CREBL2: variants seen among roughly 807,000 people sequenced by gnomAD.
The protein encoded by CREBL2 is cAMP responsive element binding protein like 2.
In CREBL2, 4 loss-of-function variants were observed where a neutral mutation model predicts 19.5. That is an observed-to-expected ratio of 0.20 (90% CI 0.10 to 0.47). The LOEUF (loss-of-function observed/expected upper bound fraction) is 0.47, where lower values mean the gene tolerates loss of function less well. Among genes scored for constraint, CREBL2 ranks in the 20% least tolerant of loss-of-function variants. The probability of loss-of-function intolerance (pLI) is 0.98; values close to 1 mark genes in which losing one functional copy is unlikely to be tolerated. For missense variants in CREBL2, 85 were observed against 145.1 expected, an observed-to-expected ratio of 0.59 and a Z score of 2.13; for synonymous variants, 42 against 46.6, an observed-to-expected ratio of 0.90 and a Z score of 0.40.
chr12:12,640,290 C>G (rs1315858019), intron 3 of CREBL2, among the ~76,000 whole-genome samples: 1 of 152,144 alleles, frequency 6.6e-6, no homozygotes, highest in Non-Finnish European at 1.5e-5. Context: ...GGAACACATT[C>G]CTTTCCCAGG....
chr12:12,612,073 C>T lies in CREBL2; in HGVS notation c.-100C>T, dbSNP rs568256295. 2 of 1,449,662 alleles carry T rather than the reference C, an allele frequency of 1.4e-6. No individual in the cohort carries two copies. Among genetic ancestry groups the T allele is most frequent in the African/African-American group, 2.8e-5 (2 of 72,010 alleles). The allele number at this position is 1,449,662 out of a possible 1,614,324, so 89.8% of individuals were successfully genotyped here. On this transcript the variant is annotated 5_prime_UTR_variant, in exon 1 of 4. Transcript: ENST00000228865. ...GGCGAGAGGAGGAGGCAGCCAGAAC[C>T]ATATCCCCTTCTTCCTCGGGGCGGG... is the stretch of plus-strand genomic sequence containing the variant.
At chr12:12,614,831 G>T in intron 1 of CREBL2, 2 of 329,952 alleles carry the variant, frequency 6.1e-6, no homozygotes, top group South Asian at 2.6e-5. Context: ...TTCCAGTTTT[G>T]CCATAGTAAG....
intron 1 of CREBL2, among the ~76,000 whole-genome samples, chr12:12,619,706 GTTC>G (rs1945345863): frequency 6.6e-6 from 1 of 152,186 alleles, no homozygotes; most frequent in Non-Finnish European, 1.5e-5. Flanking sequence ...TAGATAGAAG[GTTC>G]TTATTTTTTA....
chr12:12,633,554 C>T (rs928934711), intron 1 of CREBL2, among the ~76,000 whole-genome samples: 5 of 152,112 alleles, frequency 3.3e-5, no homozygotes, highest in East Asian at 1.9e-4. Context: ...GGCTTTAAGA[C>T]GGTGATGGAA....
In CREBL2 at chr12:12,643,187, A is replaced by C. The variant is rs993314113; in HGVS notation, c.*1189A>C. On this transcript the variant is annotated 3_prime_UTR_variant, in exon 4 of 4. Transcript: ENST00000228865. The stretch of plus-strand genomic sequence containing the variant: ...TGGAGTTGTGCACAGCACCGCAGCT[A>C]GTGGGCCTGGCTGGGGGTGCAGAAG... 6.5e-6 allele frequency: 1 copy of C among 152,672 alleles called. No individual in the cohort carries two copies. The highest frequency in any genetic ancestry group is 2.4e-5 in the African/African-American group (1 of 41,444). 9.5% of individuals were successfully genotyped at this position (152,672 alleles called of 1,614,324 possible).
At chr12:12,623,560 AG>A (rs1019389635) in intron 1 of CREBL2, among the ~76,000 whole-genome samples, 3 of 152,118 alleles carry the variant, frequency 2.0e-5, no homozygotes, top group Non-Finnish European at 4.4e-5. Context: ...TTAGAAATGC[AG>A]GGGATGGGGT....
At chr12:12,621,172 A>G (rs540656198) in intron 1 of CREBL2, among the ~76,000 whole-genome samples, 2 of 152,314 alleles carry the variant, frequency 1.3e-5, no homozygotes, top group African/African-American at 2.4e-5. Context: ...CATGAAAGCA[A>G]CCATAAGCAG....
chr12:12,613,237 C>G (rs771894646), intron 1 of CREBL2, among the ~76,000 whole-genome samples: 8 of 152,190 alleles, frequency 5.3e-5, no homozygotes, highest in Non-Finnish European at 7.3e-5. Flanking sequence ...TAGGGATGGT[C>G]AAAGATTTGT....
intron 1 of CREBL2, among the ~76,000 whole-genome samples, chr12:12,618,920 T>TC (rs1382990265): frequency 1.3e-5 from 2 of 151,992 alleles, no homozygotes; most frequent in Admixed American, 6.5e-5. Flanking sequence ...ACACCTGCAA[T>TC]CCCAGGCACT....
In CREBL2 at chr12:12,643,383, G is replaced by C. The variant is rs958954515; in HGVS notation, c.*1385G>C. On this transcript the variant is annotated 3_prime_UTR_variant, in exon 4 of 4. Coordinates refer to ENST00000228865, the MANE Select transcript of CREBL2 (RefSeq NM_001310.4). ...TACCACTCTCTCTTCTCTTTCCCAT[G>C]GTTAAAACAGGAGTTGTGTTCTCTG... The C allele has an allele frequency of 6.6e-6, 1 of 152,546 alleles. No individual in the cohort carries two copies. The highest frequency in any genetic ancestry group is 1.5e-5 in the Non-Finnish European group (1 of 68,034). 9.4% of individuals were successfully genotyped at this position (152,546 alleles called of 1,614,324 possible). A position where few individuals can be genotyped will look rare whatever the true frequency, so the allele number is the denominator to read the frequency against.
chr12:12,641,255 T>TATTATTATTATTA (rs1482770108), intron 3 of CREBL2, among the ~76,000 whole-genome samples: 2 of 93,566 alleles, frequency 2.1e-5, no homozygotes, highest in African/African-American at 7.9e-5. Flanking sequence ...TTATTATTAT[T>TATTATTATTATTA]TTTTTTTATT....
intron 1 of CREBL2, among the ~76,000 whole-genome samples, chr12:12,628,753 A>C (rs1945421036): frequency 6.6e-6 from 1 of 152,198 alleles, no homozygotes; most frequent in Non-Finnish European, 1.5e-5. Flanking sequence ...CTGGGATTAC[A>C]GTGTGAACCA....
intron 3 of CREBL2, among the ~76,000 whole-genome samples, chr12:12,640,464 C>T (rs1945508770): frequency 6.6e-6 from 1 of 152,134 alleles, no homozygotes; most frequent in African/African-American, 2.4e-5. Flanking sequence ...ATAAAAATCA[C>T]TGTTATTCTG....
Position 12,644,609 on chromosome 12 carries a change from C to T in CREBL2, c.*2611C>T, listed in dbSNP as rs1945550576. 6.6e-6 allele frequency: 1 copy of T among 152,596 alleles called. No homozygotes were observed. Among genetic ancestry groups the T allele is most frequent in the Non-Finnish European group, 1.5e-5 (1 of 68,040 alleles). The allele number at this position is 152,596 out of a possible 1,614,324, so 9.5% of individuals were successfully genotyped here. The stretch of plus-strand genomic sequence containing the variant: ...TAATATGGAATAAGTTTGACCAGGT[C>T]AAGTTTTAGGATATAGTTGAATTTC... On this transcript the variant is annotated 3_prime_UTR_variant, in exon 4 of 4. Coordinates refer to ENST00000228865, the MANE Select transcript of CREBL2 (RefSeq NM_001310.4).
chr12:12,632,460 C>G (rs1401585977), intron 1 of CREBL2: 2 of 152,044 alleles, frequency 1.3e-5, no homozygotes, highest in Non-Finnish European at 2.9e-5. Context: ...AGGGTTATAG[C>G]TTTTATTTTA....
intron 1 of CREBL2, 117 bp from the exon 2 acceptor site, chr12:12,635,660 C>A: frequency 8.3e-7 from 1 of 1,207,022 alleles, no homozygotes; most frequent in Non-Finnish European, 1.1e-6. Flanking sequence ...TTTCTTAGTT[C>A]CGTAGGGCTT....
chr12:12,636,496 T>G (rs554673354), intron 2 of CREBL2, among the ~76,000 whole-genome samples: 4 of 152,286 alleles, frequency 2.6e-5, no homozygotes, highest in African/African-American at 9.6e-5. Flanking sequence ...CTCAGCTCAT[T>G]GCAAGCTCTA....
intron 1 of CREBL2, among the ~76,000 whole-genome samples, chr12:12,626,434 C>T (rs549856714): frequency 2.6e-5 from 4 of 152,014 alleles, no homozygotes; most frequent in Admixed American, 6.6e-5. Context: ...TATGCTTGAC[C>T]CCTCCCCTCC....
chr12:12,612,563 C>G lies in CREBL2; in HGVS notation c.15+376C>G, dbSNP rs115088378. ...TGCACGCTGAACCAGCCTTATTCCC[C>G]TTGACGATTCCCCTTCTCTCAGGCT... On this transcript the variant is annotated intron_variant, in intron 1 of 3. Coordinates refer to ENST00000228865, the MANE Select transcript of CREBL2 (RefSeq NM_001310.4). Among the ~76,000 whole-genome samples the G allele has an allele frequency of 5.3e-3, 801 of 152,250 alleles. 10 individuals carry two copies. The highest frequency in any genetic ancestry group is 0.018 in the African/African-American group (750 of 41,542).
Sources: allele counts gnomAD v4.1 joint callset (sites outside exome capture counted in the v4.1 genomes callset), GRCh38; gene constraint gnomAD v4.1.1; transcripts MANE v1.5; gene names NCBI Gene and HGNC (gene_info 2026-07-23, HGNC 2026-07-21).